The following DIAPH2 variants were observed in gnomAD, a reference collection of about 807,000 sequenced individuals.
DIAPH2 encodes the protein protein diaphanous homolog 2.
Under a neutral mutation model 92.7 loss-of-function variants are expected in DIAPH2, and 35 were observed. That is an observed-to-expected ratio of 0.38 (90% confidence interval 0.29 to 0.50). The LOEUF is 0.50. Ranked by LOEUF, DIAPH2 falls within the 20% of genes least tolerant of loss-of-function variation. The pLI, the probability that DIAPH2 is intolerant of heterozygous loss-of-function variation, is 0.94. For synonymous variants in DIAPH2, 301 were observed against 280.4 expected (o/e 1.07, Z -0.73); for missense variants, 701 against 819.5 (o/e 0.86, Z 1.77).
At chrX:97,367,338 T>C (rs752011602) in intron 24 of DIAPH2, among the ~76,000 whole-genome samples, 19 of 111,877 alleles carry the variant, frequency 1.7e-4, no homozygotes, top group African/African-American at 6.2e-4. Flanking sequence ...ATGTTTTACA[T>C]TGTGCAATGT....
At chrX:96,776,923 G>C (rs764866879) in intron 4 of DIAPH2, among the ~76,000 whole-genome samples, 2 of 111,687 alleles carry the variant, frequency 1.8e-5, no homozygotes, top group East Asian at 5.6e-4. Context: ...TTAGTAATTT[G>C]GTATGTTTAT....
intron 17 of DIAPH2, among the ~76,000 whole-genome samples, chrX:97,063,050 A>AAAG (rs1299419061): frequency 1.8e-5 from 2 of 109,048 alleles, no homozygotes; most frequent in Admixed American, 9.9e-5. Flanking sequence ...AAAAAAAAAA[A>AAAG]AAGAAGGAAA....
At chrX:97,070,346 A>T (rs1381786715) in intron 17 of DIAPH2, among the ~76,000 whole-genome samples, 7 of 111,903 alleles carry the variant, frequency 6.3e-5, no homozygotes, top group African/African-American at 2.3e-4. Flanking sequence ...AAGTAACTTC[A>T]AATAATTATA....
chrX:97,184,205 A>G (rs2067562779), intron 22 of DIAPH2, among the ~76,000 whole-genome samples: 1 of 111,621 alleles, frequency 9.0e-6, no homozygotes, highest in Non-Finnish European at 1.9e-5. Flanking sequence ...TTTTCCCATC[A>G]TTGAAGAAAC....
chrX:96,934,643 T>C (rs1384348164), intron 10 of DIAPH2, among the ~76,000 whole-genome samples: 3 of 105,365 alleles, frequency 2.8e-5, no homozygotes, highest in African/African-American at 1.0e-4. Context: ...ATGGTTAAAT[T>C]TAGATGTTGA....
intron 3 of DIAPH2, 55 bp downstream of exon 3, chrX:96,738,817 C>G (rs374415339): frequency 1.4e-5 from 14 of 1,011,040 alleles, no homozygotes; most frequent in East Asian, 1.2e-4. Flanking sequence ...CCCAGAATAG[C>G]ACTGAGTTTT....
chrX:97,003,090 C>T (rs763767829), intron 17 of DIAPH2, among the ~76,000 whole-genome samples: 4 of 110,961 alleles, frequency 3.6e-5, no homozygotes, highest in African/African-American at 9.8e-5. Flanking sequence ...ATAATGATCA[C>T]CAGTTCCATT....
intron 1 of DIAPH2, among the ~76,000 whole-genome samples, chrX:96,687,434 ATTTTC>A (rs1424086168): frequency 1.5e-4 from 16 of 106,569 alleles, no homozygotes; most frequent in Admixed American, 2.0e-4. Context: ...TGGAACACAT[ATTTTC>A]TTTTCTTTTT....
At chrX:97,413,554 G>A (rs1331283954) in intron 25 of DIAPH2, among the ~76,000 whole-genome samples, 1 of 110,391 alleles carries the variant, frequency 9.1e-6, no homozygotes, top group Non-Finnish European at 1.9e-5. Flanking sequence ...TTCTGGCCAG[G>A]GCAATCAGAC....
chrX:97,544,116 C>T (rs1028281267), intron 26 of DIAPH2, among the ~76,000 whole-genome samples: 7 of 111,383 alleles, frequency 6.3e-5, no homozygotes, highest in East Asian at 2.8e-4. Context: ...ATCAAAAGCA[C>T]AAGAAGTGCC....
At chrX:97,363,952 G>C (rs1012894925) in intron 24 of DIAPH2, among the ~76,000 whole-genome samples, 1 of 111,670 alleles carries the variant, frequency 9.0e-6, no homozygotes, top group Admixed American at 9.5e-5. Context: ...TCTGCCAACT[G>C]TCAGCTAGTT....
intron 22 of DIAPH2, among the ~76,000 whole-genome samples, chrX:97,174,053 A>G (rs1321379878): frequency 1.0e-5 from 1 of 98,645 alleles, no homozygotes; most frequent in African/African-American, 3.4e-5. Context: ...TATATAATAA[A>G]AATATATAAT....
In DIAPH2 at chrX:96,947,455, A is replaced by G. The variant is rs773476589; in HGVS notation, c.1510-1480A>G. On this transcript the variant is annotated intron_variant, in intron 14 of 26. Coordinates refer to ENST00000324765, the MANE Select transcript of DIAPH2 (RefSeq NM_006729.5). ...GGAAAACGAGGTCATTGACTGAAGG[A>G]TATATGGATCCTTCACTCCAAGGAT... Among the ~76,000 whole-genome samples the G allele has an allele frequency of 2.5e-4, 28 of 111,204 alleles. No individual in the cohort carries two copies. In the South Asian group the frequency reaches 3.5e-3, roughly 14 times the overall value.
chrX:97,601,749 T>C lies in DIAPH2; in HGVS notation c.*2432T>C, dbSNP rs1223482598. The C allele has an allele frequency of 8.9e-6, 1 of 112,085 alleles. No individual in the cohort carries two copies. Among genetic ancestry groups the C allele is most frequent in the East Asian group, 2.8e-4 (1 of 3,593 alleles). The allele number at this position is 112,085 out of a possible 1,213,427, so 9.2% of individuals were successfully genotyped here. ...TATTAACAACTAATTGCATCCATCA[T>C]CTCCTTTGGCTGCTGTAACAAATTA... On this transcript the variant is annotated 3_prime_UTR_variant, in exon 27 of 27. Coordinates refer to ENST00000324765, the MANE Select transcript of DIAPH2 (RefSeq NM_006729.5).
intron 5 of DIAPH2, among the ~76,000 whole-genome samples, chrX:96,887,873 A>G (rs1055605364): frequency 9.0e-6 from 1 of 111,607 alleles, no homozygotes; most frequent in Non-Finnish European, 1.9e-5. Context: ...TATTAAAGAT[A>G]GTAATAGTTA....
At chrX:97,599,182 A>T in intron 26 of DIAPH2, 71 bp from the exon 27 acceptor site, 2 of 763,844 alleles carry the variant, frequency 2.6e-6, no homozygotes. Context: ...ACCTTTCTCA[A>T]CCTAACATCA....
chrX:97,276,114 A>G (rs2068449116), intron 23 of DIAPH2, among the ~76,000 whole-genome samples: 1 of 111,644 alleles, frequency 9.0e-6, no homozygotes, highest in East Asian at 2.8e-4. Flanking sequence ...GTCTCCACCA[A>G]AAAAATACGA....
intron 12 of DIAPH2, 150 bp downstream of exon 12, chrX:96,939,532 A>ATATGTATGTATATATATATATG (rs1569431072): frequency 2.3e-5 from 1 of 43,835 alleles, no homozygotes; most frequent in Non-Finnish European, 6.6e-5. Flanking sequence ...ATATATATGT[A>ATATGTATGTATATATATATATG]TATATATATG....
intron 9 of DIAPH2, among the ~76,000 whole-genome samples, chrX:96,922,641 T>C (rs1259048988): frequency 1.8e-5 from 2 of 112,097 alleles, no homozygotes; most frequent in South Asian, 3.7e-4. Context: ...AACTTTTTCA[T>C]TGTGGTCCTA....
Sources: gnomAD v4.1 joint callset for allele counts (sites outside exome capture counted in the v4.1 genomes callset) on GRCh38, gnomAD v4.1.1 for gene constraint, MANE v1.5 for transcripts, NCBI Gene and HGNC (gene_info 2026-07-23, HGNC 2026-07-21) for gene names.